The following NTM variants were observed in gnomAD, a reference collection of about 807,000 sequenced individuals.
NTM encodes neurotrimin.
Under a neutral mutation model 42.1 loss-of-function variants are expected in NTM, and 13 were observed. The ratio of observed to expected loss-of-function variants is 0.31; its 90% CI spans 0.20 to 0.49. NTM has a LOEUF of 0.49. Among genes scored for constraint, NTM ranks in the 20% least tolerant of loss-of-function variants. NTM has a pLI of 0.99. For missense variants in NTM, 373 were observed against 452.8 expected, an observed-to-expected ratio of 0.82 and a Z score of 1.60; for synonymous variants, 187 against 179.2, an observed-to-expected ratio of 1.04 and a Z score of -0.35.
chr11:131,378,257 C>A (rs1213109842), intron 1 of NTM, among the ~76,000 whole-genome samples: 1 of 152,140 alleles, frequency 6.6e-6, no homozygotes, highest in Non-Finnish European at 1.5e-5. Flanking sequence ...AAGACACATC[C>A]CCTATATAGG....
intron 1 of NTM, among the ~76,000 whole-genome samples, chr11:131,424,935 G>A (rs926287453): frequency 3.1e-4 from 44 of 141,798 alleles, no homozygotes; most frequent in African/African-American, 7.7e-4. Flanking sequence ...GTTGGAATGC[G>A]GTGGCTCGAT....
At chr11:132,031,907 C>T (rs1237967065) in intron 2 of NTM, among the ~76,000 whole-genome samples, 1 of 152,130 alleles carries the variant, frequency 6.6e-6, no homozygotes, top group Non-Finnish European at 1.5e-5. Flanking sequence ...AAATGACATG[C>T]TCAAAGGCCC....
chr11:131,676,668 T>G (rs988327051), intron 1 of NTM, among the ~76,000 whole-genome samples: 3 of 152,232 alleles, frequency 2.0e-5, no homozygotes, highest in African/African-American at 7.2e-5. Flanking sequence ...GAGACAGATT[T>G]GCTCAAGAAG....
At chr11:131,452,916 T>C (rs1950591662) in intron 1 of NTM, among the ~76,000 whole-genome samples, 1 of 152,184 alleles carries the variant, frequency 6.6e-6, no homozygotes. Context: ...GCCATCTTCA[T>C]GGCTTGGCAG....
chr11:131,939,353 A>T (rs2059557586), intron 2 of NTM, among the ~76,000 whole-genome samples: 1 of 152,130 alleles, frequency 6.6e-6, no homozygotes, highest in Admixed American at 6.5e-5. Flanking sequence ...AAAAGTATCC[A>T]TGGGACTGGA....
At chr11:131,676,437 C>CTGTG (rs367970023) in intron 1 of NTM, among the ~76,000 whole-genome samples, 1 of 150,906 alleles carries the variant, frequency 6.6e-6, no homozygotes, top group Non-Finnish European at 1.5e-5. Flanking sequence ...GTGTGTGTAT[C>CTGTG]TGTGTGTGTG....
At chr11:132,155,844 G>A (rs1013236881) in intron 3 of NTM, among the ~76,000 whole-genome samples, 4 of 152,192 alleles carry the variant, frequency 2.6e-5, no homozygotes, top group Non-Finnish European at 4.4e-5. Flanking sequence ...ATACAAAGAT[G>A]GATGAGATGG....
chr11:131,620,582 A>T (rs933077847), intron 1 of NTM, among the ~76,000 whole-genome samples: 2 of 152,034 alleles, frequency 1.3e-5, no homozygotes. Context: ...CCTCAAACAC[A>T]CCAGGCATAA....
At chr11:132,082,178 G>A (rs1032301111) in intron 2 of NTM, among the ~76,000 whole-genome samples, 2 of 151,978 alleles carry the variant, frequency 1.3e-5, no homozygotes, top group African/African-American at 4.8e-5. Context: ...TGGGAATGAT[G>A]CAGAATTTTC....
At chr11:131,514,562 GT>G (rs2048653776) in intron 1 of NTM, among the ~76,000 whole-genome samples, 1 of 151,986 alleles carries the variant, frequency 6.6e-6, no homozygotes, top group Admixed American at 6.6e-5. Flanking sequence ...AATTAAATTT[GT>G]TTTGTGATTT....
intron 1 of NTM, among the ~76,000 whole-genome samples, chr11:131,542,704 C>G (rs1248719686): frequency 6.6e-6 from 1 of 152,152 alleles, no homozygotes; most frequent in Admixed American, 6.5e-5. Flanking sequence ...GCCTAAGTGT[C>G]TCCAGGTAGC....
intron 1 of NTM, among the ~76,000 whole-genome samples, chr11:131,705,169 G>A (rs997247592): frequency 6.6e-6 from 1 of 152,106 alleles, no homozygotes; most frequent in African/African-American, 2.4e-5. Flanking sequence ...ATTGTCATGA[G>A]GCACATTATA....
chr11:132,188,244 T>C (rs1253400728), intron 3 of NTM, among the ~76,000 whole-genome samples: 1 of 152,150 alleles, frequency 6.6e-6, no homozygotes, highest in Admixed American at 6.6e-5. Flanking sequence ...CAGCCCCAAA[T>C]GTCAGTAGTG....
chr11:132,288,759 A>G (rs1425214520), intron 4 of NTM, among the ~76,000 whole-genome samples: 2 of 151,956 alleles, frequency 1.3e-5, no homozygotes, highest in East Asian at 1.9e-4. Context: ...AGCTGGGATT[A>G]CAGGCGCCCA....
At chr11:131,573,826 G>A (rs1384606423) in intron 1 of NTM, among the ~76,000 whole-genome samples, 3 of 152,060 alleles carry the variant, frequency 2.0e-5, no homozygotes, top group Non-Finnish European at 4.4e-5. Context: ...TCGAGTTGGT[G>A]ACCAAAATGT....
At chr11:132,066,959 T>A (rs1305058398) in intron 2 of NTM, among the ~76,000 whole-genome samples, 1 of 86,154 alleles carries the variant, frequency 1.2e-5, no homozygotes, top group East Asian at 2.1e-4. Context: ...TGTGAAACAT[T>A]TTTTTTTTCT....
intron 1 of NTM, among the ~76,000 whole-genome samples, chr11:131,413,937 G>A (rs757706447): frequency 2.6e-5 from 4 of 152,176 alleles, no homozygotes; most frequent in Non-Finnish European, 4.4e-5. Flanking sequence ...AAAGGCAGAG[G>A]GAAGGTGCAG....
intron 4 of NTM, among the ~76,000 whole-genome samples, chr11:132,248,197 GA>G (rs1213440879): frequency 1.3e-5 from 2 of 152,204 alleles, no homozygotes; most frequent in African/African-American, 4.8e-5. Flanking sequence ...AGAGACAGGG[GA>G]AAAAACTGCT....
chr11:131,758,564 C>A (rs1308520126), intron 1 of NTM, among the ~76,000 whole-genome samples: 1 of 148,904 alleles, frequency 6.7e-6, no homozygotes, highest in Admixed American at 6.7e-5. Flanking sequence ...TTCTTTCTTT[C>A]CTTCCTTCCT....
Sources: allele counts gnomAD v4.1 joint callset (sites outside exome capture counted in the v4.1 genomes callset), GRCh38; gene constraint gnomAD v4.1.1; transcripts MANE v1.5; gene names NCBI Gene and HGNC (gene_info 2026-07-23, HGNC 2026-07-21).